DOCK3: variants seen among roughly 807,000 people sequenced by gnomAD.
DOCK3 encodes dedicator of cytokinesis protein 3.
A neutral mutation model predicts 265.6 loss-of-function variants in DOCK3; 60 were observed. That is an observed-to-expected ratio of 0.23 (90% CI 0.18 to 0.28). DOCK3 has a LOEUF of 0.28. DOCK3 is among the 10% of genes least tolerant of loss of function. The pLI is 1.00. For missense variants in DOCK3, 1,981 were observed against 2,594.3 expected, an observed-to-expected ratio of 0.76 and a Z score of 5.14; for synonymous variants, 881 against 938.0, an observed-to-expected ratio of 0.94 and a Z score of 1.11.
At chr3:50,875,433 G>A (rs2047657447) in intron 3 of DOCK3, among the ~76,000 whole-genome samples, 1 of 152,032 alleles carries the variant, frequency 6.6e-6, no homozygotes, top group Admixed American at 6.6e-5. Flanking sequence ...TATTAGCTAT[G>A]GGTTTGTTAT....
At chr3:51,235,191 A>T (rs1176340809) in intron 19 of DOCK3, among the ~76,000 whole-genome samples, 1 of 152,236 alleles carries the variant, frequency 6.6e-6, no homozygotes, top group Non-Finnish European at 1.5e-5. Context: ...TGTTTTAATT[A>T]TGTGATCAGA....
At chr3:51,069,584 G>T (rs536339079) in intron 6 of DOCK3, among the ~76,000 whole-genome samples, 1 of 152,080 alleles carries the variant, frequency 6.6e-6, no homozygotes, top group Non-Finnish European at 1.5e-5. Context: ...ATATGTGTGT[G>T]TGTGTGTATA....
intron 2 of DOCK3, among the ~76,000 whole-genome samples, chr3:50,815,897 A>T (rs1043249884): frequency 2.6e-5 from 4 of 152,236 alleles, no homozygotes; most frequent in Non-Finnish European, 5.9e-5. Flanking sequence ...AGGTCAGAAC[A>T]GAGAAGTGGA....
intron 3 of DOCK3, 145 bp from the exon 4 acceptor site, chr3:50,889,881 G>C: frequency 1.8e-6 from 1 of 551,430 alleles, no homozygotes; most frequent in Non-Finnish European, 2.9e-6. Flanking sequence ...ACTTTGTACA[G>C]CTCTGCATAC....
At chr3:50,683,748 C>T (rs2034574634) in intron 1 of DOCK3, among the ~76,000 whole-genome samples, 1 of 152,062 alleles carries the variant, frequency 6.6e-6, no homozygotes, top group Non-Finnish European at 1.5e-5. Context: ...TCTTCCTGTA[C>T]AGGAGGAAGG....
intron 14 of DOCK3, among the ~76,000 whole-genome samples, chr3:51,221,230 C>T (rs2090082630): frequency 6.6e-6 from 1 of 152,128 alleles, no homozygotes; most frequent in Non-Finnish European, 1.5e-5. Context: ...AATAACATAG[C>T]CCCAGGTTCA....
At chr3:51,273,791 T>C (rs1282925912) in intron 24 of DOCK3, among the ~76,000 whole-genome samples, 1 of 152,214 alleles carries the variant, frequency 6.6e-6, no homozygotes, top group Non-Finnish European at 1.5e-5. Context: ...TAAAATGCCA[T>C]GGCTTGTTTG....
chr3:50,676,874 T>C (rs555954441), intron 1 of DOCK3, among the ~76,000 whole-genome samples: 1 of 152,232 alleles, frequency 6.6e-6, no homozygotes, highest in Admixed American at 6.5e-5. Context: ...CTTACAGGAT[T>C]GTGAAAGTGA....
At chr3:51,364,437 T>TA (rs1256563316) in intron 49 of DOCK3, among the ~76,000 whole-genome samples, 8 of 152,256 alleles carry the variant, frequency 5.3e-5, no homozygotes, top group Non-Finnish European at 1.2e-4. Flanking sequence ...ATTCTGTAGG[T>TA]TGCCTTTTCA....
intron 46 of DOCK3, among the ~76,000 whole-genome samples, chr3:51,360,124 T>C (rs1053624722): frequency 2.0e-5 from 3 of 152,196 alleles, no homozygotes; most frequent in Non-Finnish European, 4.4e-5. Flanking sequence ...CCTTATGTAA[T>C]TGGTGCCCAC....
chr3:51,055,205 G>T (rs1388942006), intron 5 of DOCK3, among the ~76,000 whole-genome samples: 2 of 152,116 alleles, frequency 1.3e-5, no homozygotes, highest in Non-Finnish European at 2.9e-5. Flanking sequence ...TCATATGCAG[G>T]TATCAGCCTG....
chr3:51,303,617 CTGT>C (rs1199972690), intron 27 of DOCK3, among the ~76,000 whole-genome samples: 1 of 152,110 alleles, frequency 6.6e-6, no homozygotes. Flanking sequence ...TTTGTTGATG[CTGT>C]TGTTGTTGCT....
At chr3:50,779,510 A>G (rs1432650605) in intron 2 of DOCK3, among the ~76,000 whole-genome samples, 1 of 151,896 alleles carries the variant, frequency 6.6e-6, no homozygotes. Context: ...CAGCCTCCCT[A>G]GTAGCTGGGA....
intron 1 of DOCK3, among the ~76,000 whole-genome samples, chr3:50,772,537 A>G (rs534897244): frequency 6.6e-6 from 1 of 152,218 alleles, no homozygotes; most frequent in Non-Finnish European, 1.5e-5. Flanking sequence ...GTATGCCTGT[A>G]TCAAAACATC....
intron 21 of DOCK3, among the ~76,000 whole-genome samples, chr3:51,246,407 AT>A (rs1560276530): frequency 6.6e-6 from 1 of 151,748 alleles, no homozygotes; most frequent in Non-Finnish European, 1.5e-5. Context: ...TAATTTTTCT[AT>A]TTTTTTGTAG....
At chr3:51,165,385 C>T (rs543814784) in intron 12 of DOCK3, among the ~76,000 whole-genome samples, 12 of 152,292 alleles carry the variant, frequency 7.9e-5, no homozygotes, top group African/African-American at 2.2e-4. Context: ...TAAACATTGT[C>T]GGATGATTAC....
At chr3:51,151,453 CAAAGGT>C (rs915028860) in intron 10 of DOCK3, among the ~76,000 whole-genome samples, 4 of 152,100 alleles carry the variant, frequency 2.6e-5, no homozygotes, top group African/African-American at 9.7e-5. Context: ...CATCAAAGAC[CAAAGGT>C]AGATAAAAAC....
intron 4 of DOCK3, among the ~76,000 whole-genome samples, chr3:50,933,559 C>A (rs1485043916): frequency 6.6e-6 from 1 of 152,074 alleles, no homozygotes; most frequent in East Asian, 1.9e-4. Flanking sequence ...CCTCCACAAC[C>A]CCCCACATTT....
At chr3:51,118,498 A>G (rs2083856065) in intron 9 of DOCK3, among the ~76,000 whole-genome samples, 1 of 152,186 alleles carries the variant, frequency 6.6e-6, no homozygotes, top group African/African-American at 2.4e-5. Context: ...GCTGAATTCA[A>G]GTCCTGAATA....
Sources: allele counts gnomAD v4.1 joint callset (sites outside exome capture counted in the v4.1 genomes callset), GRCh38; gene constraint gnomAD v4.1.1; transcripts MANE v1.5; gene names NCBI Gene and HGNC (gene_info 2026-07-23, HGNC 2026-07-21).